KCTD16: variants seen among roughly 807,000 people sequenced by gnomAD.
KCTD16 encodes BTB/POZ domain-containing protein KCTD16.
A neutral mutation model predicts 33.2 loss-of-function variants in KCTD16; 13 were observed. The ratio of observed to expected loss-of-function variants is 0.39; its 90% confidence interval spans 0.25 to 0.62. The LOEUF is 0.62. Among genes scored for constraint, KCTD16 ranks in the 20% least tolerant of loss-of-function variants. The pLI is 0.50. For missense variants in KCTD16, 441 were observed against 525.1 expected, an observed-to-expected ratio of 0.84 and a Z score of 1.57; for synonymous variants, 197 against 195.3, an observed-to-expected ratio of 1.01 and a Z score of -0.07.
Position 144,387,483 on chromosome 5 carries a change from T to A in KCTD16, c.833-86177T>A, listed in dbSNP as rs565387397. Among the ~76,000 whole-genome samples, 5 of 152,340 alleles carry A rather than the reference T, an allele frequency of 3.3e-5. 1 individual carries two copies. The South Asian group carries it at 1.0e-3, about 32-fold the overall frequency. On this transcript the variant is annotated intron_variant, in intron 3 of 3. Transcript: ENST00000512467. ...GTTCCTTCCTCCACACTAGAACTAATACCCAAGGGTAATAATTTTTCATTG... is the reference window on the plus strand; with the variant it reads ...GTTCCTTCCTCCACACTAGAACTAAAACCCAAGGGTAATAATTTTTCATTG...
intron 3 of KCTD16, among the ~76,000 whole-genome samples, chr5:144,378,086 A>G (rs1752132436): frequency 6.6e-6 from 1 of 152,184 alleles, no homozygotes. Context: ...TCAGATTTCC[A>G]TGCATGGTTT....
At position 144,281,039 on chromosome 5, in the gene KCTD16, G is replaced by A. The variant is rs111743852; in HGVS notation, c.832+73493G>A. Among the ~76,000 whole-genome samples the A allele has an allele frequency of 3.8e-3, 565 of 148,360 alleles. 3 individuals carry two copies. The highest frequency in any genetic ancestry group is 4.1e-3 in the Non-Finnish European group (274 of 67,630). ...CTAAACAAAATACAAAAAATTAGCCGGGCGTAGTGGTGGGAGCCTGTAGTT... is the reference window on the plus strand; with the variant it reads ...CTAAACAAAATACAAAAAATTAGCCAGGCGTAGTGGTGGGAGCCTGTAGTT... On this transcript the variant is annotated intron_variant, in intron 3 of 3. Transcript: ENST00000512467.
chr5:144,331,980 A>G (rs1752373982), intron 3 of KCTD16, among the ~76,000 whole-genome samples: 1 of 152,210 alleles, frequency 6.6e-6, no homozygotes, highest in African/African-American at 2.4e-5. Flanking sequence ...GATATTATAG[A>G]AAGATGGCAG....
intron 3 of KCTD16, among the ~76,000 whole-genome samples, chr5:144,389,812 G>A (rs545665150): frequency 1.3e-5 from 2 of 152,322 alleles, no homozygotes; most frequent in African/African-American, 4.8e-5. Context: ...CATTCTCTTG[G>A]TTGTGTCAAG....
chr5:144,379,418 T>G (rs906154159), intron 3 of KCTD16, among the ~76,000 whole-genome samples: 1 of 152,158 alleles, frequency 6.6e-6, no homozygotes, highest in African/African-American at 2.4e-5. Flanking sequence ...GTCCTATAAA[T>G]AAGCTTTGTG....
At chr5:144,242,392 A>G (rs1389697185) in intron 3 of KCTD16, among the ~76,000 whole-genome samples, 2 of 152,144 alleles carry the variant, frequency 1.3e-5, no homozygotes, top group African/African-American at 4.8e-5. Context: ...ACCATAGAAA[A>G]TTATATACTT....
Position 144,462,832 on chromosome 5 carries a change from T to C in KCTD16, c.833-10828T>C, listed in dbSNP as rs149975545. ...TTCACTGGTCATTGAATATATCTGT[T>C]AACACTCGAAAGCCTGTGTTAAGTG... On this transcript the variant is annotated intron_variant, in intron 3 of 3. Transcript: ENST00000512467. Among the ~76,000 whole-genome samples the C allele has an allele frequency of 3.2e-4, 48 of 152,296 alleles. No homozygotes were observed. In the East Asian group the frequency reaches 9.1e-3, roughly 29 times the overall value.
chr5:144,409,830 A>ACAACAG (rs895729794), intron 3 of KCTD16, among the ~76,000 whole-genome samples: 2 of 152,122 alleles, frequency 1.3e-5, no homozygotes, highest in Non-Finnish European at 2.9e-5. Context: ...AACAACAACA[A>ACAACAG]CAACAACAAC....
chr5:144,281,741 A>G (rs1194042495), intron 3 of KCTD16, among the ~76,000 whole-genome samples: 1 of 151,916 alleles, frequency 6.6e-6, no homozygotes, highest in East Asian at 1.9e-4. Context: ...ATTCTTGTTG[A>G]TTTTCTTTCT....
intron 3 of KCTD16, among the ~76,000 whole-genome samples, chr5:144,256,135 C>G (rs1754839825): frequency 1.3e-5 from 2 of 152,172 alleles, no homozygotes; most frequent in Admixed American, 6.5e-5. Flanking sequence ...AATACAGGCA[C>G]TTTGGATCTA....
At chr5:144,268,586 C>T (rs1488256171) in intron 3 of KCTD16, among the ~76,000 whole-genome samples, 1 of 151,990 alleles carries the variant, frequency 6.6e-6, no homozygotes, top group Non-Finnish European at 1.5e-5. Context: ...AAAATAAAAC[C>T]CCCAAACAAT....
intron 3 of KCTD16, among the ~76,000 whole-genome samples, chr5:144,355,380 A>C (rs532409576): frequency 1.3e-5 from 2 of 152,326 alleles, no homozygotes. Context: ...AGAAGACAGC[A>C]ATTTACATTT....
intron 3 of KCTD16, among the ~76,000 whole-genome samples, chr5:144,295,962 G>A (rs939432637): frequency 5.3e-5 from 8 of 152,194 alleles, no homozygotes; most frequent in African/African-American, 1.7e-4. Context: ...TGAGAACCAT[G>A]TCTGACTTCT....
rs989302735 is a variant in KCTD16, at chr5:144,444,186, A to C, written c.833-29474A>C. On this transcript the variant is annotated intron_variant, in intron 3 of 3. Transcript: ENST00000512467. ...GCAGAGAGAGTCAAAATACACAAAC[A>C]AACCCCACCCCAACCCCTCCCCCCT... Among the ~76,000 whole-genome samples, 17 of 151,336 alleles carry C rather than the reference A, an allele frequency of 1.1e-4. No homozygotes were observed. The South Asian group carries it at 3.4e-3, about 30-fold the overall frequency.
In KCTD16 at chr5:144,265,552, C is replaced by A. The variant is rs371532163; in HGVS notation, c.832+58006C>A. On this transcript the variant is annotated intron_variant, in intron 3 of 3. Transcript: ENST00000512467. ...CCTCTGGCTTTATTCAACCTAAATGCTAACAATTTTAAAGACTGTAATCTC... is the reference window on the plus strand; with the variant it reads ...CCTCTGGCTTTATTCAACCTAAATGATAACAATTTTAAAGACTGTAATCTC... Among the ~76,000 whole-genome samples the A allele has an allele frequency of 2.6e-5, 4 of 152,190 alleles. No individual in the cohort carries two copies. The East Asian group carries it at 5.8e-4, about 22-fold the overall frequency.
chr5:144,259,231 C>A (rs1754935687), intron 3 of KCTD16, among the ~76,000 whole-genome samples: 1 of 115,954 alleles, frequency 8.6e-6, no homozygotes, highest in African/African-American at 3.4e-5. Context: ...GCACTCCAGG[C>A]TGGATGACAG....
intron 3 of KCTD16, among the ~76,000 whole-genome samples, chr5:144,385,820 G>A (rs1043305681): frequency 4.6e-5 from 7 of 152,020 alleles, no homozygotes; most frequent in African/African-American, 1.7e-4. Context: ...AGGAGGGGTG[G>A]TCCCTTAAAA....
intron 2 of KCTD16, among the ~76,000 whole-genome samples, chr5:144,203,726 C>T (rs368845091): frequency 6.6e-6 from 1 of 152,152 alleles, no homozygotes. Flanking sequence ...ACTTTACAAC[C>T]AAAACCAGTA....
intron 3 of KCTD16, among the ~76,000 whole-genome samples, chr5:144,213,349 C>T (rs1239049085): frequency 6.6e-6 from 1 of 151,870 alleles, no homozygotes; most frequent in Non-Finnish European, 1.5e-5. Context: ...CCTTTTCTCT[C>T]TCTCTTTTCC....
Sources: gnomAD v4.1 joint callset for allele counts (sites outside exome capture counted in the v4.1 genomes callset) on GRCh38, gnomAD v4.1.1 for gene constraint, MANE v1.5 for transcripts, NCBI Gene and HGNC (gene_info 2026-07-23, HGNC 2026-07-21) for gene names.